GRM7: variants seen among roughly 807,000 people sequenced by gnomAD.
The protein encoded by GRM7 is glutamate metabotropic receptor 7.
Under a neutral mutation model 84.5 loss-of-function variants are expected in GRM7, and 35 were observed. The ratio of observed to expected loss-of-function variants is 0.41; its 90% CI spans 0.32 to 0.55. GRM7 has a LOEUF of 0.55. GRM7 is among the 20% of genes least tolerant of loss of function. GRM7 has a pLI of 0.19. For missense variants in GRM7, 1,003 were observed against 1,194.6 expected, an observed-to-expected ratio of 0.84 and a Z score of 2.36; for synonymous variants, 487 against 455.1, an observed-to-expected ratio of 1.07 and a Z score of -0.89.
chr3:6,925,493 A>G (rs1037480146), intron 1 of GRM7, among the ~76,000 whole-genome samples: 1 of 152,216 alleles, frequency 6.6e-6, no homozygotes, highest in Non-Finnish European at 1.5e-5. Context: ...CAGATGAGTT[A>G]CCTGCTTTAT....
intron 1 of GRM7, among the ~76,000 whole-genome samples, chr3:7,029,227 C>T (rs1696093314): frequency 6.7e-6 from 1 of 149,488 alleles, no homozygotes; most frequent in South Asian, 2.1e-4. Context: ...TCACTTGAAC[C>T]TGGGAGGCAG....
intron 1 of GRM7, among the ~76,000 whole-genome samples, chr3:6,956,102 T>C (rs1693037260): frequency 1.3e-5 from 2 of 152,184 alleles, no homozygotes; most frequent in South Asian, 4.1e-4. Flanking sequence ...ATACAAAGGT[T>C]TAGCAAAGTA....
chr3:7,034,121 G>A (rs576306146), intron 1 of GRM7, among the ~76,000 whole-genome samples: 18 of 152,180 alleles, frequency 1.2e-4, no homozygotes, highest in African/African-American at 3.9e-4. Flanking sequence ...TAGGCTAAGG[G>A]AAAAAATATC....
intron 1 of GRM7, among the ~76,000 whole-genome samples, chr3:7,034,220 T>A (rs561997458): frequency 6.6e-6 from 1 of 152,264 alleles, no homozygotes; most frequent in East Asian, 1.9e-4. Context: ...CCTGAGTCAC[T>A]TTAAACATTT....
At chr3:7,439,652 G>A (rs1380008013) in intron 5 of GRM7, among the ~76,000 whole-genome samples, 1 of 152,130 alleles carries the variant, frequency 6.6e-6, no homozygotes, top group Non-Finnish European at 1.5e-5. Flanking sequence ...TTTGCACAGG[G>A]AGAAACAAAT....
chr3:7,167,175 G>A (rs1694826666), intron 2 of GRM7, among the ~76,000 whole-genome samples: 1 of 152,126 alleles, frequency 6.6e-6, no homozygotes, highest in Admixed American at 6.5e-5. Flanking sequence ...CAAAAATACT[G>A]TGGCAGCTTC....
chr3:7,516,092 A>C (rs1700366437), intron 7 of GRM7, among the ~76,000 whole-genome samples: 1 of 148,676 alleles, frequency 6.7e-6, no homozygotes, highest in East Asian at 2.0e-4. Flanking sequence ...TTGAGGCTGG[A>C]AGGTAGAGCC....
chr3:7,654,554 T>C (rs1257558882), intron 8 of GRM7, among the ~76,000 whole-genome samples: 3 of 152,222 alleles, frequency 2.0e-5, no homozygotes, highest in Non-Finnish European at 4.4e-5. Context: ...TTTATTACTT[T>C]GACTGTTTCC....
chr3:7,376,047 A>T (rs994807406), intron 4 of GRM7, among the ~76,000 whole-genome samples: 1 of 152,218 alleles, frequency 6.6e-6, no homozygotes, highest in African/African-American at 2.4e-5. Context: ...TCCCAGGTAT[A>T]CCATGAAATC....
At chr3:7,004,967 T>C (rs1267221958) in intron 1 of GRM7, among the ~76,000 whole-genome samples, 1 of 152,154 alleles carries the variant, frequency 6.6e-6, no homozygotes, top group Non-Finnish European at 1.5e-5. Flanking sequence ...TCAGGAATCC[T>C]TGAGTGTCAT....
chr3:7,481,543 G>A (rs1259285480), intron 7 of GRM7, among the ~76,000 whole-genome samples: 1 of 152,176 alleles, frequency 6.6e-6, no homozygotes, highest in Non-Finnish European at 1.5e-5. Flanking sequence ...AGCAAATTAT[G>A]TGGCCTCTCT....
At position 6,945,332 on chromosome 3, in the gene GRM7, G is replaced by A. The variant is rs1011435984; in HGVS notation, c.519+83425G>A. 1.6e-4 allele frequency among the ~76,000 whole-genome samples: 24 copies of A among 151,588 alleles called. 1 individual carries two copies. Among genetic ancestry groups the A allele is most frequent in the Admixed American group, 1.3e-3 (19 of 15,180 alleles). On this transcript the variant is annotated intron_variant, in intron 1 of 9. Coordinates refer to ENST00000357716, the MANE Select transcript of GRM7 (RefSeq NM_000844.4). ...GCAATGTTTGGTTTTTTGTCCTTGT[G>A]ATAGTTTGCTGAGAATGATGGTTTC... is the stretch of plus-strand genomic sequence containing the variant.
At chr3:7,009,427 G>T (rs988674679) in intron 1 of GRM7, among the ~76,000 whole-genome samples, 1 of 152,150 alleles carries the variant, frequency 6.6e-6, no homozygotes. Context: ...TCGCACAGCT[G>T]GTGAGACTGA....
intron 1 of GRM7, among the ~76,000 whole-genome samples, chr3:6,890,961 GA>G: frequency 6.6e-6 from 1 of 151,996 alleles, no homozygotes; most frequent in Non-Finnish European, 1.5e-5. Flanking sequence ...TCTTCTTATT[GA>G]ATTGATCCCT....
At chr3:7,233,031 T>C (rs901560743) in intron 2 of GRM7, among the ~76,000 whole-genome samples, 4 of 152,186 alleles carry the variant, frequency 2.6e-5, no homozygotes, top group African/African-American at 9.6e-5. Flanking sequence ...AAGAGTGGTA[T>C]TAAAATAGTT....
At chr3:7,635,854 T>G (rs1242980934) in intron 8 of GRM7, among the ~76,000 whole-genome samples, 3 of 151,892 alleles carry the variant, frequency 2.0e-5, no homozygotes, top group Non-Finnish European at 2.9e-5. Flanking sequence ...TTTAGAATAT[T>G]TTATACAGAT....
At chr3:7,633,901 TG>T (rs1697960747) in intron 8 of GRM7, among the ~76,000 whole-genome samples, 1 of 152,172 alleles carries the variant, frequency 6.6e-6, no homozygotes, top group Non-Finnish European at 1.5e-5. Flanking sequence ...ACCTTGACCT[TG>T]GGGTGTACAA....
chr3:7,034,742 C>T (rs1696321028), intron 1 of GRM7, among the ~76,000 whole-genome samples: 2 of 152,124 alleles, frequency 1.3e-5, no homozygotes, highest in Non-Finnish European at 1.5e-5. Context: ...TGCCAGAACC[C>T]AAAGCAGTTA....
intron 1 of GRM7, among the ~76,000 whole-genome samples, chr3:6,963,680 T>A (rs996621342): frequency 2.0e-5 from 3 of 152,206 alleles, no homozygotes; most frequent in Admixed American, 6.5e-5. Context: ...TTAGCATTTT[T>A]AAAATCATGG....
Sources: allele counts gnomAD v4.1 joint callset (sites outside exome capture counted in the v4.1 genomes callset), GRCh38; gene constraint gnomAD v4.1.1; transcripts MANE v1.5; gene names NCBI Gene and HGNC (gene_info 2026-07-23, HGNC 2026-07-21).